Variants in BTBD9 observed in about 807,000 individuals in gnomAD.
The protein encoded by BTBD9 is BTB domain containing 9, also known as BTB/POZ domain-containing protein 9.
Under a neutral mutation model 64.3 loss-of-function variants are expected in BTBD9, and 49 were observed. The ratio of observed to expected loss-of-function variants is 0.76; its 90% confidence interval spans 0.61 to 0.97. The LOEUF is 0.97. BTBD9 is among the 50% of genes least tolerant of loss of function. The pLI is 0.00. For synonymous variants in BTBD9, 260 were observed against 274.7 expected (o/e 0.95, Z 0.53); for missense variants, 598 against 762.1 (o/e 0.78, Z 2.53).
At chr6:38,523,411 C>G (rs983027154) in intron 6 of BTBD9, among the ~76,000 whole-genome samples, 1 of 152,232 alleles carries the variant, frequency 6.6e-6, no homozygotes, top group South Asian at 2.1e-4. Flanking sequence ...AAGATCAAAT[C>G]CAAACTCCAG....
At chr6:38,408,585 T>G (rs2127253935) in intron 6 of BTBD9, among the ~76,000 whole-genome samples, 1 of 152,322 alleles carries the variant, frequency 6.6e-6, no homozygotes, top group East Asian at 1.9e-4. Context: ...ATATAGTTGT[T>G]AAGGTCACTA....
intron 9 of BTBD9, among the ~76,000 whole-genome samples, chr6:38,221,121 TC>T (rs1202444413): frequency 6.6e-6 from 1 of 152,186 alleles, no homozygotes; most frequent in East Asian, 1.9e-4. Flanking sequence ...AGAATCATCC[TC>T]CCCTATTAAT....
chr6:38,606,775 T>C (rs1238345493), intron 1 of BTBD9, among the ~76,000 whole-genome samples: 1 of 152,216 alleles, frequency 6.6e-6, no homozygotes, highest in Admixed American at 6.5e-5. Context: ...TCTTATTTAA[T>C]ATTCAAAAAA....
At chr6:38,403,133 A>T (rs1767014276) in intron 6 of BTBD9, among the ~76,000 whole-genome samples, 1 of 152,060 alleles carries the variant, frequency 6.6e-6, no homozygotes, top group Non-Finnish European at 1.5e-5. Context: ...AGAAAAGAAG[A>T]GAAGAGAAGA....
At chr6:38,638,061 A>G (rs978821352) in intron 1 of BTBD9, among the ~76,000 whole-genome samples, 4 of 152,074 alleles carry the variant, frequency 2.6e-5, no homozygotes, top group Non-Finnish European at 5.9e-5. Context: ...CCAACAACCA[A>G]ATTCACATTA....
In BTBD9 at chr6:38,247,481, G is replaced by C. The variant is rs115873937; in HGVS notation, c.1562+8928C>G. 1.4e-3 allele frequency among the ~76,000 whole-genome samples: 209 copies of C among 152,346 alleles called. 1 individual carries two copies. The highest frequency in any genetic ancestry group is 4.8e-3 in the African/African-American group (201 of 41,584). ...GGTGGACTCCACACATGTCTTTCCAGGTGACAGGGAGACAGTCAAGGTGCT... is the reference window on the plus strand; with the variant it reads ...GGTGGACTCCACACATGTCTTTCCACGTGACAGGGAGACAGTCAAGGTGCT... On this transcript the variant is annotated intron_variant, in intron 9 of 10. Transcript: ENST00000481247.
intron 7 of BTBD9, among the ~76,000 whole-genome samples, chr6:38,302,772 A>T (rs1762464950): frequency 6.6e-6 from 1 of 152,126 alleles, no homozygotes; most frequent in Middle Eastern, 3.4e-3. Flanking sequence ...ACAGTGTATA[A>T]GAGTTCCCCC....
At chr6:38,216,610 G>A (rs1195387494) in intron 9 of BTBD9, among the ~76,000 whole-genome samples, 1 of 152,194 alleles carries the variant, frequency 6.6e-6, no homozygotes, top group Admixed American at 6.5e-5. Flanking sequence ...GTGGTTGGCA[G>A]CTGGTAAAAG....
intron 4 of BTBD9, among the ~76,000 whole-genome samples, chr6:38,581,519 A>G (rs752891703): frequency 2.0e-5 from 3 of 152,220 alleles, no homozygotes; most frequent in Non-Finnish European, 4.4e-5. Context: ...TAGATTTATT[A>G]ACCACCAATT....
chr6:38,608,448 G>A (rs1313862070), intron 1 of BTBD9, among the ~76,000 whole-genome samples: 1 of 152,122 alleles, frequency 6.6e-6, no homozygotes, highest in Non-Finnish European at 1.5e-5. Flanking sequence ...GGCAACTTAT[G>A]GGTCTGTAAC....
intron 6 of BTBD9, among the ~76,000 whole-genome samples, chr6:38,500,504 AC>A (rs1030634375): frequency 6.6e-6 from 1 of 152,224 alleles, no homozygotes; most frequent in Non-Finnish European, 1.5e-5. Context: ...CTAAAAAGAT[AC>A]CATTTAATTT....
At position 38,327,179 on chromosome 6, in the gene BTBD9, T is replaced by TA. The variant is rs200982736; in HGVS notation, c.1264+17804dup. 3.3e-3 allele frequency among the ~76,000 whole-genome samples: 501 copies of TA among 151,186 alleles called. 2 individuals are homozygous for TA. Among genetic ancestry groups the TA allele is most frequent in the African/African-American group, 0.011 (453 of 41,224 alleles). On this transcript the variant is annotated intron_variant, in intron 7 of 10. Transcript: ENST00000481247. ...TGTAGCACTGTACCAAATCCTGTCT[T>TA]AAAAAAAAATAAGTATCTAATGCAG...
At chr6:38,236,877 G>C (rs1378528703) in intron 9 of BTBD9, among the ~76,000 whole-genome samples, 1 of 152,228 alleles carries the variant, frequency 6.6e-6, no homozygotes, top group Non-Finnish European at 1.5e-5. Flanking sequence ...CACAGTCATT[G>C]AATGTTGTGT....
intron 6 of BTBD9, among the ~76,000 whole-genome samples, chr6:38,393,593 T>A (rs1766533808): frequency 6.6e-6 from 1 of 152,186 alleles, no homozygotes. Context: ...CTTAGCAATA[T>A]GTTGAATTTA....
At chr6:38,309,157 G>C (rs1177472897) in intron 7 of BTBD9, among the ~76,000 whole-genome samples, 1 of 151,568 alleles carries the variant, frequency 6.6e-6, no homozygotes, top group South Asian at 2.1e-4. Flanking sequence ...ATCACCTGAG[G>C]TCAGGAGTTC....
At chr6:38,198,238 A>G (rs1336838471) in intron 9 of BTBD9, among the ~76,000 whole-genome samples, 1 of 151,350 alleles carries the variant, frequency 6.6e-6, no homozygotes, top group Non-Finnish European at 1.5e-5. Context: ...GGAATTAGCT[A>G]AACTATAAAT....
chr6:38,493,800 A>G (rs1411906729), intron 6 of BTBD9, among the ~76,000 whole-genome samples: 1 of 152,246 alleles, frequency 6.6e-6, no homozygotes, highest in African/African-American at 2.4e-5. Context: ...CAGTCTCATC[A>G]TGCAACAAAA....
intron 7 of BTBD9, among the ~76,000 whole-genome samples, chr6:38,290,956 T>C (rs1180077915): frequency 6.6e-6 from 1 of 152,252 alleles, no homozygotes; most frequent in African/African-American, 2.4e-5. Context: ...ATGAATATTC[T>C]AAGATTTATA....
chr6:38,596,307 A>G (rs904070277), intron 2 of BTBD9, among the ~76,000 whole-genome samples: 2 of 152,220 alleles, frequency 1.3e-5, no homozygotes, highest in South Asian at 4.1e-4. Flanking sequence ...ATCAAGAACA[A>G]GGTCAATAAG....
Sources: allele counts gnomAD v4.1 joint callset (sites outside exome capture counted in the v4.1 genomes callset), GRCh38; gene constraint gnomAD v4.1.1; transcripts MANE v1.5; gene names NCBI Gene and HGNC (gene_info 2026-07-23, HGNC 2026-07-21).